The following FOXN3 variants were observed in gnomAD, a reference collection of about 807,000 sequenced individuals.
FOXN3 encodes forkhead box N3.
In FOXN3, 7 loss-of-function variants were observed where a neutral mutation model predicts 38.4. The observed-to-expected ratio is 0.18, with a 90% CI of 0.10 to 0.34. The LOEUF is 0.34. Among genes scored for constraint, FOXN3 ranks in the 10% least tolerant of loss-of-function variants. FOXN3 has a pLI of 1.00. For synonymous variants in FOXN3, 230 were observed against 242.2 expected (o/e 0.95, Z 0.47); for missense variants, 456 against 613.4 (o/e 0.74, Z 2.71).
At chr14:89,167,055 T>C (rs1250968768) in intron 5 of FOXN3, among the ~76,000 whole-genome samples, 1 of 152,268 alleles carries the variant, frequency 6.6e-6, no homozygotes, top group Admixed American at 6.5e-5. Context: ...TGTAACGATA[T>C]TGCAATTAGC....
intron 1 of FOXN3, among the ~76,000 whole-genome samples, chr14:89,467,254 C>T (rs1892988625): frequency 6.6e-6 from 1 of 152,178 alleles, no homozygotes; most frequent in African/African-American, 2.4e-5. Flanking sequence ...CCCACAGCTT[C>T]GCCTGTTCCC....
chr14:89,277,170 T>TA (rs1886322938), intron 4 of FOXN3, among the ~76,000 whole-genome samples: 1 of 152,142 alleles, frequency 6.6e-6, no homozygotes, highest in Non-Finnish European at 1.5e-5. Context: ...ATTAACAAAA[T>TA]AAGAGAGATT....
intron 2 of FOXN3, among the ~76,000 whole-genome samples, chr14:89,395,246 A>G (rs572896705): frequency 6.6e-6 from 1 of 152,334 alleles, no homozygotes; most frequent in East Asian, 1.9e-4. Flanking sequence ...TAGTTCAGGA[A>G]CACGTGTCCG....
intron 1 of FOXN3, among the ~76,000 whole-genome samples, chr14:89,446,011 AG>A (rs1892485808): frequency 7.1e-6 from 1 of 141,078 alleles, no homozygotes; most frequent in Non-Finnish European, 1.5e-5. Flanking sequence ...CTGAGGTGGG[AG>A]GATCACTTGA....
intron 2 of FOXN3, among the ~76,000 whole-genome samples, chr14:89,407,949 A>G (rs1486642200): frequency 2.0e-5 from 3 of 152,216 alleles, no homozygotes; most frequent in Admixed American, 6.5e-5. Flanking sequence ...GGGTATATCA[A>G]GTCATTATAC....
chr14:89,206,585 GC>G (rs2139826188), intron 4 of FOXN3, among the ~76,000 whole-genome samples: 1 of 152,308 alleles, frequency 6.6e-6, no homozygotes, highest in African/African-American at 2.4e-5. Context: ...CGCTCTGCAG[GC>G]CCGCCTGGCA....
In FOXN3 at chr14:89,256,675, T is replaced by C. The variant is rs562733579; in HGVS notation, c.745+24275A>G. ...CCAAGACACTGGTTTTCTTTTCTGC[T>C]CTCCCTAATCCGTGAGAGTTTAAGG... On this transcript the variant is annotated intron_variant, in intron 4 of 5. Transcript: ENST00000557258. 2.0e-3 allele frequency among the ~76,000 whole-genome samples: 305 copies of C among 152,302 alleles called. 1 individual carries two copies. The highest frequency in any genetic ancestry group is 6.8e-3 in the African/African-American group (284 of 41,558).
intron 3 of FOXN3, chr14:89,291,499 G>A (rs1005198904): frequency 2.0e-5 from 12 of 594,410 alleles, no homozygotes; most frequent in South Asian, 6.9e-5. Context: ...TGCTTACCCC[G>A]CCATCCCCAG....
intron 2 of FOXN3, among the ~76,000 whole-genome samples, chr14:89,406,408 C>G (rs1265174878): frequency 6.8e-6 from 1 of 146,552 alleles, no homozygotes; most frequent in Non-Finnish European, 1.5e-5. Context: ...TGACAGAGAC[C>G]CTGTCTCAAA....
At chr14:89,406,998 GAAA>G (rs35141347) in intron 2 of FOXN3, among the ~76,000 whole-genome samples, 17,198 of 128,444 alleles carry the variant, frequency 0.13, 1,212 homozygotes, top group East Asian at 0.34. Context: ...TAGACGAAAT[GAAA>G]AAAAAAAAAA....
chr14:89,356,740 C>T (rs148408418), intron 2 of FOXN3, among the ~76,000 whole-genome samples: 1 of 152,082 alleles, frequency 6.6e-6, no homozygotes, highest in Non-Finnish European at 1.5e-5. Flanking sequence ...ACATGCCAGG[C>T]ACCATGAAGG....
intron 1 of FOXN3, among the ~76,000 whole-genome samples, chr14:89,476,545 AT>A (rs1166293050): frequency 6.6e-6 from 1 of 152,226 alleles, no homozygotes; most frequent in East Asian, 1.9e-4. Flanking sequence ...TCAAATATCC[AT>A]TTTGGGAGTT....
At chr14:89,554,583 A>G (rs1328006606) in intron 1 of FOXN3, among the ~76,000 whole-genome samples, 1 of 152,172 alleles carries the variant, frequency 6.6e-6, no homozygotes, top group East Asian at 1.9e-4. Context: ...ACTTCAAAAA[A>G]TTATCAAGAA....
chr14:89,331,762 A>T (rs2139986977), intron 3 of FOXN3, among the ~76,000 whole-genome samples: 1 of 152,356 alleles, frequency 6.6e-6, no homozygotes, highest in African/African-American at 2.4e-5. Flanking sequence ...TTCACAAAAT[A>T]ATAGCCTCCT....
At chr14:89,289,816 T>C in intron 3 of FOXN3, among the ~76,000 whole-genome samples, 1 of 152,200 alleles carries the variant, frequency 6.6e-6, no homozygotes, top group Admixed American at 6.5e-5. Context: ...TACTACATCA[T>C]ATTGAAATTG....
intron 1 of FOXN3, among the ~76,000 whole-genome samples, chr14:89,550,107 T>C (rs1010950733): frequency 2.6e-5 from 4 of 152,140 alleles, no homozygotes; most frequent in African/African-American, 9.7e-5. Context: ...AATTACACCT[T>C]TATCATGCAG....
Position 89,499,718 on chromosome 14 carries a change from C to G in FOXN3, c.-14-87228G>C, listed in dbSNP as rs571061928. 7.9e-5 allele frequency among the ~76,000 whole-genome samples: 12 copies of G among 152,106 alleles called. No individual in the cohort carries two copies. The South Asian group carries it at 1.9e-3, about 24-fold the overall frequency. ...TTTACGTGTAATTTTCATTTTTTTGCTTGCAAAAACTATCAAGGGAACTGT... is the reference window on the plus strand; with the variant it reads ...TTTACGTGTAATTTTCATTTTTTTGGTTGCAAAAACTATCAAGGGAACTGT... On this transcript the variant is annotated intron_variant, in intron 1 of 6. Transcript: ENST00000345097.
At chr14:89,180,401 T>C (rs1176972030) in intron 5 of FOXN3, among the ~76,000 whole-genome samples, 2 of 152,142 alleles carry the variant, frequency 1.3e-5, no homozygotes, top group Non-Finnish European at 2.9e-5. Flanking sequence ...CCAATTAATA[T>C]CCTGCCTTCT....
chr14:89,458,457 C>G (rs988939625), intron 1 of FOXN3, among the ~76,000 whole-genome samples: 2 of 152,204 alleles, frequency 1.3e-5, no homozygotes, highest in Non-Finnish European at 2.9e-5. Context: ...CAAAACTCAG[C>G]ATGCGGGTAA....
Sources: gnomAD v4.1 joint callset for allele counts (sites outside exome capture counted in the v4.1 genomes callset) on GRCh38, gnomAD v4.1.1 for gene constraint, MANE v1.5 for transcripts, NCBI Gene and HGNC (gene_info 2026-07-23, HGNC 2026-07-21) for gene names.